The following TUBA1C variants were observed in gnomAD, a reference collection of about 807,000 sequenced individuals.
The protein encoded by TUBA1C is tubulin alpha-1C chain.
TUBA1C carries 16 observed loss-of-function variants against 34.9 expected under a neutral mutation model. The ratio of observed to expected loss-of-function variants is 0.46; its 90% CI spans 0.31 to 0.70. The LOEUF (loss-of-function observed/expected upper bound fraction) is 0.70, where lower values mean the gene tolerates loss of function less well. TUBA1C is among the 30% of genes least tolerant of loss of function. The pLI is 0.05. For synonymous variants in TUBA1C, 177 were observed against 215.9 expected, an observed-to-expected ratio of 0.82 and a Z score of 1.58; for missense variants, 329 against 587.3, an observed-to-expected ratio of 0.56 and a Z score of 4.55.
At chr12:49,248,363 A>G (rs1157757662) in intron 1 of TUBA1C, among the ~76,000 whole-genome samples, 1 of 152,110 alleles carries the variant, frequency 6.6e-6, no homozygotes, top group Non-Finnish European at 1.5e-5. Flanking sequence ...TGAGGTCAGG[A>G]GTTCAAAACC....
intron 1 of TUBA1C, among the ~76,000 whole-genome samples, chr12:49,268,623 G>A (rs1327691167): frequency 6.6e-6 from 1 of 152,084 alleles, no homozygotes; most frequent in African/African-American, 2.4e-5. Flanking sequence ...ATGTTTTGAC[G>A]GTGAAGGAAA....
At chr12:49,240,755 T>G (rs143531963) in intron 1 of TUBA1C, among the ~76,000 whole-genome samples, 212 of 152,146 alleles carry the variant, frequency 1.4e-3, no homozygotes, top group African/African-American at 4.4e-3. Flanking sequence ...ACTGGACTAA[T>G]TTTTTTTATT....
chr12:49,246,228 G>C (rs1283438009), intron 1 of TUBA1C, among the ~76,000 whole-genome samples: 1 of 147,368 alleles, frequency 6.8e-6, no homozygotes, highest in African/African-American at 2.5e-5. Context: ...ACTTCTGCCT[G>C]CCTCAGCCTC....
intron 1 of TUBA1C, among the ~76,000 whole-genome samples, chr12:49,234,729 G>A (rs1942533637): frequency 6.6e-6 from 1 of 152,236 alleles, no homozygotes; most frequent in Non-Finnish European, 1.5e-5. Context: ...TTCACATATC[G>A]CTGTCCGCGA....
At chr12:49,230,374 C>T (rs537517738) in intron 1 of TUBA1C, among the ~76,000 whole-genome samples, 7 of 152,248 alleles carry the variant, frequency 4.6e-5, no homozygotes, top group South Asian at 2.1e-4. Context: ...GACACGCCCA[C>T]GCCAGTACTG....
Position 49,272,495 on chromosome 12 carries a change from T to C in TUBA1C, c.618T>C (p.Asn206=), listed in dbSNP as rs760765175. The change falls in exon 4 of 4, where the codon AAT becomes AAC. Residue 206 remains asparagine (N), a synonymous_variant. Transcript: ENST00000301072. ...EHSDCAFMVD[N]EAIYDICRRN... ...CTGATTGTGCCTTCATGGTAGACAA[T>C]GAGGCCATCTATGACATCTGTCGTA... The C allele has an allele frequency of 1.6e-5, 26 of 1,610,084 alleles. No individual in the cohort carries two copies. The highest frequency in any genetic ancestry group is 5.0e-5 in the Admixed American group (3 of 59,866).
At chr12:49,257,260 T>C (rs1475398273) in intron 1 of TUBA1C, among the ~76,000 whole-genome samples, 3 of 152,120 alleles carry the variant, frequency 2.0e-5, no homozygotes, top group African/African-American at 4.8e-5. Flanking sequence ...CAACATGCGC[T>C]GCTGTGTGAC....
chr12:49,267,133 G>A (rs1444037342), intron 1 of TUBA1C, among the ~76,000 whole-genome samples: 1 of 152,222 alleles, frequency 6.6e-6, no homozygotes, highest in Non-Finnish European at 1.5e-5. Flanking sequence ...AGAGTGGAGG[G>A]TAAGTCAGTG....
At chr12:49,266,820 G>T (rs1244102810) in intron 1 of TUBA1C, among the ~76,000 whole-genome samples, 1 of 152,208 alleles carries the variant, frequency 6.6e-6, no homozygotes, top group Admixed American at 6.5e-5. Flanking sequence ...CTGCACTCCA[G>T]CGAGACCTTA....
At chr12:49,260,656 C>T (rs1942832174), upstream of TUBA1C, among the ~76,000 whole-genome samples, 1 of 152,084 alleles carries the variant, frequency 6.6e-6, no homozygotes, top group Admixed American at 6.6e-5. Flanking sequence ...AACATGTTAC[C>T]TAGAAAGTAA....
In TUBA1C at chr12:49,269,813, C is replaced by T. The variant is rs546904168; in HGVS notation, c.227-15C>T. 8 of 1,613,586 alleles carry T rather than the reference C, an allele frequency of 5.0e-6. No individual in the cohort carries two copies. The highest frequency in any genetic ancestry group is 2.2e-5 in the East Asian group (1 of 44,874). ...CTCCTTGTCCCTCCTCCTCCTCCCC[C>T]ATCATGTTCTCCAGATGAAGTTCGC... On this transcript the variant is annotated splice_polypyrimidine_tract_variant and intron_variant, in intron 2 of 3. Transcript: ENST00000301072.
chr12:49,250,127 G>A (rs1377752842), intron 1 of TUBA1C, among the ~76,000 whole-genome samples: 1 of 152,042 alleles, frequency 6.6e-6, no homozygotes, highest in Non-Finnish European at 1.5e-5. Context: ...GAACCTGGGA[G>A]GTGGAAGGTT....
chr12:49,254,484 CAAAAA>C (rs764051406), intron 1 of TUBA1C, among the ~76,000 whole-genome samples: 1 of 29,674 alleles, frequency 3.4e-5, no homozygotes, highest in African/African-American at 1.0e-4. Flanking sequence ...TCCATCTAAA[CAAAAA>C]AAAAAAAAAA....
intron 1 of TUBA1C, among the ~76,000 whole-genome samples, chr12:49,239,729 C>T (rs564843535): frequency 2.0e-4 from 31 of 151,904 alleles, no homozygotes; most frequent in Admixed American, 1.9e-3. Context: ...GAGGCTGAGT[C>T]GGGAGGATCG....
chr12:49,243,284 T>C (rs1942636197), intron 1 of TUBA1C, among the ~76,000 whole-genome samples: 1 of 151,978 alleles, frequency 6.6e-6, no homozygotes, highest in South Asian at 2.1e-4. Context: ...CCATCTCTAC[T>C]AAAAATACAA....
At chr12:49,234,923 T>G (rs924432096) in intron 1 of TUBA1C, among the ~76,000 whole-genome samples, 6 of 152,048 alleles carry the variant, frequency 3.9e-5, no homozygotes, top group African/African-American at 1.4e-4. Flanking sequence ...ATTCAAGCGA[T>G]TCTCCTGCCT....
At chr12:49,264,430 T>TG (rs1467393164), upstream of TUBA1C, among the ~76,000 whole-genome samples, 1 of 151,794 alleles carries the variant, frequency 6.6e-6, no homozygotes, top group African/African-American at 2.4e-5. Flanking sequence ...AGACCTAGAG[T>TG]GGGGAGCAAG....
intron 2 of TUBA1C, 30 bp downstream of exon 2, chr12:49,269,717 T>C (rs1942963351): frequency 3.7e-6 from 6 of 1,612,968 alleles, no homozygotes; most frequent in Non-Finnish European, 5.1e-6. Context: ...CCAAGTGAGA[T>C]CCCAGGGTGC....
chr12:49,244,901 C>A (rs922643027), intron 1 of TUBA1C, among the ~76,000 whole-genome samples: 7 of 152,034 alleles, frequency 4.6e-5, no homozygotes, highest in African/African-American at 1.7e-4. Flanking sequence ...TCAGACCACA[C>A]CTTCCTTATA....
Sources: allele counts gnomAD v4.1 joint callset (sites outside exome capture counted in the v4.1 genomes callset), GRCh38; gene constraint gnomAD v4.1.1; transcripts MANE v1.5; gene names NCBI Gene and HGNC (gene_info 2026-07-23, HGNC 2026-07-21).